LAMA3: variants seen among roughly 807,000 people sequenced by gnomAD.
LAMA3 encodes the protein laminin subunit alpha 3.
Under a neutral mutation model 402.0 loss-of-function variants are expected in LAMA3, and 281 were observed. The observed-to-expected ratio is 0.70, with a 90% CI of 0.63 to 0.77. LAMA3 has a LOEUF of 0.77. Ranked by LOEUF, LAMA3 falls within the 30% of genes least tolerant of loss-of-function variation. The probability of loss-of-function intolerance (pLI) is 0.00; values close to 1 mark genes in which losing one functional copy is unlikely to be tolerated. For synonymous variants in LAMA3, 1,431 were observed against 1,558.4 expected (o/e 0.92, Z 1.93); for missense variants, 3,840 against 4,215.5 (o/e 0.91, Z 2.47).
At chr18:23,806,551 G>C (rs73969529) in intron 12 of LAMA3, among the ~76,000 whole-genome samples, 3,100 of 152,166 alleles carry the variant, frequency 0.02, 101 homozygotes, top group African/African-American at 0.071. Flanking sequence ...ATGGGTTGGG[G>C]GGTGCAGTTG....
At position 23,713,910 on chromosome 18, in the gene LAMA3, T is replaced by C; in HGVS notation, c.295-10T>C. 6.2e-7 allele frequency: 1 copy of C among 1,604,058 alleles called. No homozygotes were observed. Among genetic ancestry groups the C allele is most frequent in the Non-Finnish European group, 8.5e-7 (1 of 1,177,492 alleles). On this transcript the variant is annotated splice_polypyrimidine_tract_variant and intron_variant, in intron 1 of 74. Coordinates refer to ENST00000313654, the MANE Select transcript of LAMA3 (RefSeq NM_198129.4). ...CAAAAAACAAAAAAAACCCACTTTT[T>C]TTTTTTCAGGGCCAGTTCTGTGACT...
rs1353963900 is a variant in LAMA3 at position 23,950,151 on chromosome 18, G to T, written c.9634G>T (p.Ala3212Ser). The change falls in exon 72 of 75, where the codon GCA (alanine) becomes TCA (serine). Residue 3212 changes from alanine (A) to serine (S), a missense_variant. Ala to Ser is a moderately conservative substitution (Grantham distance 99). Coordinates refer to ENST00000313654, the MANE Select transcript of LAMA3 (RefSeq NM_198129.4). ...GAAGCACTTATGTGTTTACCTGGAG[G>T]CAGGAAAGGTGTGTAGCAGTCTGAT... ...PGKHLCVYLEAGKVTASMDSG... is the reference protein window; with the variant it reads ...PGKHLCVYLESGKVTASMDSG... 6.2e-7 allele frequency: 1 copy of T among 1,613,998 alleles called. No individual in the cohort carries two copies. The highest frequency in any genetic ancestry group is 1.7e-5 in the Admixed American group (1 of 60,004).
At position 23,870,808 on chromosome 18, in the gene LAMA3, G is replaced by C. The variant is rs145148056; in HGVS notation, c.4768-623G>C. Reference sequence around the variant, plus strand: ...AGTCAATTCTTAGCAACAGAAATTAGAATAGTGGTGCCAGGGGCTGGGGAG... The same window carrying C: ...AGTCAATTCTTAGCAACAGAAATTACAATAGTGGTGCCAGGGGCTGGGGAG... On this transcript the variant is annotated intron_variant, in intron 37 of 74. Coordinates refer to ENST00000313654, the MANE Select transcript of LAMA3 (RefSeq NM_198129.4). Among the ~76,000 whole-genome samples, 217 of 152,296 alleles carry C rather than the reference G, an allele frequency of 1.4e-3. 2 individuals carry two copies. In the East Asian group the frequency reaches 0.028, roughly 19 times the overall value.
At chr18:23,944,049 C>A in intron 69 of LAMA3, 78 bp downstream of exon 69, 1 of 1,383,216 alleles carries the variant, frequency 7.2e-7, no homozygotes, top group Non-Finnish European at 1.0e-6. Flanking sequence ...GGAGTCCCAG[C>A]ATCCTTCCCA....
At chr18:23,761,366 C>T (rs1426698825) in intron 7 of LAMA3, among the ~76,000 whole-genome samples, 1 of 152,212 alleles carries the variant, frequency 6.6e-6, no homozygotes, top group Non-Finnish European at 1.5e-5. Context: ...AGATTATTCC[C>T]ATACGATTAC....
At chr18:23,698,172 C>T (rs532179580) in intron 1 of LAMA3, among the ~76,000 whole-genome samples, 9 of 148,636 alleles carry the variant, frequency 6.1e-5, no homozygotes, top group Non-Finnish European at 1.2e-4. Flanking sequence ...AAATGGAACA[C>T]TGGGGAACCA....
At chr18:23,938,323 T>C (rs1283341012) in intron 67 of LAMA3, among the ~76,000 whole-genome samples, 1 of 152,178 alleles carries the variant, frequency 6.6e-6, no homozygotes, top group Non-Finnish European at 1.5e-5. Context: ...TCTGAGCGCC[T>C]GGGAAAAGCG....
At chr18:23,742,238 C>T (rs762982566) in intron 2 of LAMA3, among the ~76,000 whole-genome samples, 15 of 152,126 alleles carry the variant, frequency 9.9e-5, no homozygotes, top group Non-Finnish European at 1.8e-4. Context: ...AACATTAAGA[C>T]TTAGAACAGA....
intron 5 of LAMA3, 57 bp from the exon 6 acceptor site, chr18:23,753,664 G>C: frequency 7.5e-7 from 1 of 1,340,600 alleles, no homozygotes; most frequent in Non-Finnish European, 1.1e-6. Context: ...AGACTAGTAA[G>C]AGAAAGTTTT....
rs780868288 is a variant in LAMA3 at position 23,748,018 on chromosome 18, G to C, written c.523G>C (p.Val175Leu). The stretch of plus-strand genomic sequence containing the variant: ...TGATCTTTGGGTCTTGGAAAGATCT[G>C]TAGACTTTGGAAGCACCTACTCACC... ...RPDLWVLERSVDFGSTYSPWQ... is the reference protein window; with the variant it reads ...RPDLWVLERSLDFGSTYSPWQ... The change falls in exon 3 of 75, where the codon GTA becomes CTA. Residue 175 changes from valine (V) to leucine (L), a missense_variant. Coordinates refer to ENST00000313654, the MANE Select transcript of LAMA3 (RefSeq NM_198129.4). 61 of 1,613,390 alleles carry C rather than the reference G, an allele frequency of 3.8e-5. No homozygotes were observed. The highest frequency in any genetic ancestry group is 4.8e-5 in the Non-Finnish European group (57 of 1,179,430).
chr18:23,849,743 T>G (rs2063902058), intron 32 of LAMA3, among the ~76,000 whole-genome samples: 1 of 152,218 alleles, frequency 6.6e-6, no homozygotes, highest in South Asian at 2.1e-4. Flanking sequence ...ATAGTAAGTT[T>G]TGCCCAAACC....
At chr18:23,725,251 A>G (rs2061278684) in intron 2 of LAMA3, among the ~76,000 whole-genome samples, 1 of 152,044 alleles carries the variant, frequency 6.6e-6, no homozygotes, top group African/African-American at 2.4e-5. Flanking sequence ...CTAGGATTAT[A>G]GGTATGGGCC....
At chr18:23,740,956 CT>C (rs748348773) in intron 2 of LAMA3, among the ~76,000 whole-genome samples, 5,657 of 141,592 alleles carry the variant, frequency 0.04, 151 homozygotes, top group East Asian at 0.15. Context: ...ACCAAGCACA[CT>C]TTTTTTTTTT....
chr18:23,829,417 G>A (rs867423598), intron 23 of LAMA3, among the ~76,000 whole-genome samples: 2 of 151,792 alleles, frequency 1.3e-5, no homozygotes, highest in East Asian at 1.9e-4. Flanking sequence ...TCCTTCTTTC[G>A]CATCTGTTTC....
At chr18:23,910,112 G>A (rs916200410) in intron 55 of LAMA3, among the ~76,000 whole-genome samples, 1 of 152,202 alleles carries the variant, frequency 6.6e-6, no homozygotes, top group Non-Finnish European at 1.5e-5. Context: ...AAAACCAAAT[G>A]AATAAGAATG....
At chr18:23,721,031 A>T (rs910136069) in intron 2 of LAMA3, among the ~76,000 whole-genome samples, 2 of 151,920 alleles carry the variant, frequency 1.3e-5, no homozygotes, top group Non-Finnish European at 2.9e-5. Flanking sequence ...GGTGGCACAC[A>T]CTTGTAGTCC....
rs538079202 is a variant in LAMA3, at chr18:23,871,477, A to G, written c.4814A>G (p.Glu1605Gly). 1 of 1,613,228 alleles carries G rather than the reference A, an allele frequency of 6.2e-7. No homozygotes were observed. The highest frequency in any genetic ancestry group is 1.1e-5 in the South Asian group (1 of 91,020). The change falls in exon 38 of 75, where the codon GAG becomes GGG. Residue 1605 changes from glutamate to glycine, a missense_variant. Physicochemically the swap from Glu to Gly is moderately conservative, Grantham distance 98 (BLOSUM62 -2). Transcript: ENST00000313654. ...AGCCGTGCCCCAGTGTCTAGGGAGG[A>G]GCTGATGACAGTGCTGTCTAGACTG... ...ASSRAPVSRE[E>G]LMTVLSRLAD...
intron 2 of LAMA3, among the ~76,000 whole-genome samples, chr18:23,721,701 G>A (rs1356283713): frequency 6.6e-6 from 1 of 152,114 alleles, no homozygotes; most frequent in Admixed American, 6.6e-5. Context: ...TATCTCTGGA[G>A]TCTGGCTCCT....
intron 12 of LAMA3, among the ~76,000 whole-genome samples, chr18:23,787,307 C>A (rs1028628177): frequency 6.6e-6 from 1 of 151,400 alleles, no homozygotes; most frequent in Non-Finnish European, 1.5e-5. Flanking sequence ...ATAAACAGAA[C>A]CTGAAAGAAA....
Sources: allele counts gnomAD v4.1 joint callset (sites outside exome capture counted in the v4.1 genomes callset), GRCh38; gene constraint gnomAD v4.1.1; transcripts MANE v1.5; gene names NCBI Gene and HGNC (gene_info 2026-07-23, HGNC 2026-07-21).